The following FANCL variants were observed in gnomAD, a reference collection of about 807,000 sequenced individuals.
FANCL encodes the protein FA complementation group L.
Under a neutral mutation model 59.4 loss-of-function variants are expected in FANCL, and 69 were observed. The observed-to-expected ratio is 1.16, with a 90% CI of 0.96 to 1.42. FANCL has a LOEUF of 1.42. FANCL is among the 40% of genes most tolerant of loss of function. The probability of loss-of-function intolerance (pLI) is 0.00; values close to 1 mark genes in which losing one functional copy is unlikely to be tolerated. For missense variants in FANCL, 519 were observed against 447.2 expected (o/e 1.16, Z -1.45); for synonymous variants, 180 against 147.1 (o/e 1.22, Z -1.62).
chr2:58,234,197 C>T (rs1693818995), intron 1 of FANCL, among the ~76,000 whole-genome samples: 1 of 151,858 alleles, frequency 6.6e-6, no homozygotes. Flanking sequence ...GCAAACAAAA[C>T]CCAGAAACCA....
intron 7 of FANCL, among the ~76,000 whole-genome samples, chr2:58,189,677 C>A (rs930932352): frequency 6.6e-6 from 1 of 152,058 alleles, no homozygotes; most frequent in Non-Finnish European, 1.5e-5. Context: ...CATTTTGTTA[C>A]TTTCATAATA....
chr2:58,226,523 A>G (rs1189742326), intron 4 of FANCL, among the ~76,000 whole-genome samples: 2 of 152,168 alleles, frequency 1.3e-5, no homozygotes, highest in Admixed American at 1.3e-4. Flanking sequence ...TTATAATACA[A>G]TCAAAGAGGT....
chr2:58,197,953 T>C (rs1265408856), intron 7 of FANCL, among the ~76,000 whole-genome samples: 1 of 152,072 alleles, frequency 6.6e-6, no homozygotes, highest in Non-Finnish European at 1.5e-5. Flanking sequence ...GGAATTTAAA[T>C]TTAAAGGAAA....
At chr2:58,216,596 G>A (rs964239742) in intron 5 of FANCL, among the ~76,000 whole-genome samples, 2 of 152,118 alleles carry the variant, frequency 1.3e-5, no homozygotes, top group East Asian at 1.9e-4. Flanking sequence ...TTTCAATTCT[G>A]TATTGAATCA....
Position 58,159,511 on chromosome 2 carries a change from T to C in FANCL, c.*254A>G. 1 of 1,613,700 alleles carries C rather than the reference T, an allele frequency of 6.2e-7. No homozygotes were observed. The highest frequency in any genetic ancestry group is 8.5e-7 in the Non-Finnish European group (1 of 1,179,764). On this transcript the variant is annotated 3_prime_UTR_variant, in exon 14 of 14. Coordinates refer to ENST00000233741, the MANE Select transcript of FANCL (RefSeq NM_018062.4). ...TATATTCAAGAAGTCAAGATCTCCA[T>C]CTTGGTATAAATACACTTCCACAGT...
chr2:58,225,982 G>C (rs967630290), intron 4 of FANCL, among the ~76,000 whole-genome samples: 2 of 151,882 alleles, frequency 1.3e-5, no homozygotes, highest in Non-Finnish European at 2.9e-5. Flanking sequence ...ACTTTATTGA[G>C]GTTATAATAA....
intron 7 of FANCL, among the ~76,000 whole-genome samples, chr2:58,166,915 T>C (rs1176260931): frequency 6.6e-6 from 1 of 152,208 alleles, no homozygotes; most frequent in African/African-American, 2.4e-5. Context: ...CTTCTACACA[T>C]ATTTTTTTAA....
chr2:58,163,562 TCAAA>T (rs1685532456), intron 8 of FANCL, 45 bp from the exon 9 acceptor site: 2 of 1,181,904 alleles, frequency 1.7e-6, no homozygotes, highest in Admixed American at 3.4e-5. Context: ...GAACAGCTCA[TCAAA>T]CAACCCAATA....
chr2:58,236,475 C>A (rs76708228), intron 1 of FANCL, among the ~76,000 whole-genome samples: 214 of 145,646 alleles, frequency 1.5e-3, no homozygotes, highest in East Asian at 0.015. Context: ...AAAAAAAAAA[C>A]ACACACACAC....
intron 3 of FANCL, among the ~76,000 whole-genome samples, chr2:58,228,566 T>C (rs1030878961): frequency 6.6e-6 from 1 of 152,246 alleles, no homozygotes; most frequent in African/African-American, 2.4e-5. Flanking sequence ...CTATGGTTGC[T>C]ATAACGGCAG....
At chr2:58,188,039 G>C (rs1688579598) in intron 7 of FANCL, among the ~76,000 whole-genome samples, 1 of 152,058 alleles carries the variant, frequency 6.6e-6, no homozygotes, top group Admixed American at 6.6e-5. Flanking sequence ...GTTTCTTCTA[G>C]AAGCTTTATA....
chr2:58,220,359 G>T (rs1408252822), intron 5 of FANCL, among the ~76,000 whole-genome samples: 1 of 152,140 alleles, frequency 6.6e-6, no homozygotes, highest in Non-Finnish European at 1.5e-5. Context: ...AAGAGGTATG[G>T]CCCACTCAGT....
At chr2:58,160,316 A>G in intron 12 of FANCL, 137 bp from the exon 13 acceptor site, 1 of 854,228 alleles carries the variant, frequency 1.2e-6, no homozygotes, top group South Asian at 1.4e-5. Context: ...TTGCAAGAGT[A>G]AGGGATGTAT....
At position 58,161,575 on chromosome 2, in the gene FANCL, C is replaced by A. The variant is rs763057392; in HGVS notation, c.967G>T (p.Val323Leu). 6.2e-7 allele frequency: 1 copy of A among 1,611,666 alleles called. No individual in the cohort carries two copies. Among genetic ancestry groups the A allele is most frequent in the East Asian group, 2.2e-5 (1 of 44,752 alleles). ...YQLDGTIPDQVCDNSQCGQPF... is the reference protein window; with the variant it reads ...YQLDGTIPDQLCDNSQCGQPF... Reference sequence around the variant, plus strand: ...TGTCCACACTGAGAATTATCACACACTTGATCAGGAATGGTACCGTCAAGT... The same window carrying A: ...TGTCCACACTGAGAATTATCACACAATTGATCAGGAATGGTACCGTCAAGT... The change falls in exon 12 of 14, where the codon GTG becomes TTG. Residue 323 changes from valine to leucine, a missense_variant. Coordinates refer to ENST00000233741, the MANE Select transcript of FANCL (RefSeq NM_018062.4).
intron 5 of FANCL, among the ~76,000 whole-genome samples, chr2:58,215,683 T>A (rs1272858766): frequency 7.3e-5 from 11 of 149,942 alleles, no homozygotes; most frequent in Non-Finnish European, 8.8e-5. Flanking sequence ...AGAGCCCAGA[T>A]TGAGAGCTGC....
At chr2:58,194,184 A>G (rs754630887) in intron 7 of FANCL, 16 of 470,744 alleles carry the variant, frequency 3.4e-5, no homozygotes, top group African/African-American at 2.8e-4. Context: ...CCAACTGCCC[A>G]TGGCAAGAAT....
At chr2:58,228,699 A>G (rs28668929) in intron 3 of FANCL, among the ~76,000 whole-genome samples, 6,256 of 152,314 alleles carry the variant, frequency 0.041, 151 homozygotes, top group East Asian at 0.096. Context: ...AAATGATACA[A>G]GAAAAGAATA....
chr2:58,192,665 T>C (rs1689042868), intron 7 of FANCL, among the ~76,000 whole-genome samples: 1 of 151,874 alleles, frequency 6.6e-6, no homozygotes, highest in South Asian at 2.1e-4. Flanking sequence ...GGAGTGAGGG[T>C]AGGTGGAGAA....
At chr2:58,209,317 T>G (rs1690897078) in intron 5 of FANCL, among the ~76,000 whole-genome samples, 1 of 152,206 alleles carries the variant, frequency 6.6e-6, no homozygotes, top group Admixed American at 6.5e-5. Context: ...TTTCAAACAA[T>G]AGCTGAAAGC....
Sources: gnomAD v4.1 joint callset for allele counts (sites outside exome capture counted in the v4.1 genomes callset) on GRCh38, gnomAD v4.1.1 for gene constraint, MANE v1.5 for transcripts, NCBI Gene and HGNC (gene_info 2026-07-23, HGNC 2026-07-21) for gene names.